The following OXCT1 variants were observed in gnomAD, a reference collection of about 807,000 sequenced individuals.
OXCT1 encodes 3-oxoacid CoA-transferase 1, also known as succinyl-CoA:3-ketoacid coenzyme A transferase 1, mitochondrial.
OXCT1 carries 27 observed loss-of-function variants against 69.6 expected under a neutral mutation model. The ratio of observed to expected loss-of-function variants is 0.39; its 90% confidence interval spans 0.29 to 0.54. The LOEUF (loss-of-function observed/expected upper bound fraction) is 0.54. OXCT1 is among the 20% of genes least tolerant of loss of function. OXCT1 has a pLI of 0.72. For synonymous variants in OXCT1, 202 were observed against 217.8 expected, an observed-to-expected ratio of 0.93 and a Z score of 0.64; for missense variants, 437 against 650.2, an observed-to-expected ratio of 0.67 and a Z score of 3.57.
chr5:41,777,469 C>T (rs1032986174), intron 13 of OXCT1, among the ~76,000 whole-genome samples: 2 of 152,066 alleles, frequency 1.3e-5, no homozygotes, highest in East Asian at 1.9e-4. Flanking sequence ...AGTCACAGAA[C>T]AAGTCAGAAA....
chr5:41,773,356 C>A (rs1354361441), intron 13 of OXCT1, among the ~76,000 whole-genome samples: 2 of 150,292 alleles, frequency 1.3e-5, no homozygotes, highest in Non-Finnish European at 2.9e-5. Context: ...AGGCAGATCA[C>A]TGAAGCCCAG....
intron 16 of OXCT1, among the ~76,000 whole-genome samples, chr5:41,733,964 T>C (rs908746737): frequency 1.3e-5 from 2 of 152,236 alleles, no homozygotes; most frequent in African/African-American, 2.4e-5. Flanking sequence ...AAAAGTATAT[T>C]GCTTGACTCT....
At chr5:41,856,883 C>G (rs1271781346) in intron 3 of OXCT1, among the ~76,000 whole-genome samples, 1 of 152,126 alleles carries the variant, frequency 6.6e-6, no homozygotes, top group Non-Finnish European at 1.5e-5. Context: ...GGCTGTCTTC[C>G]CATTACTCTC....
In OXCT1 at chr5:41,831,182, G is replaced by A. The variant is rs532923587; in HGVS notation, c.732+9269C>T. 2.2e-4 allele frequency among the ~76,000 whole-genome samples: 33 copies of A among 152,196 alleles called. No individual in the cohort carries two copies. In the South Asian group the frequency reaches 5.0e-3, roughly 23 times the overall value. ...ATTATTCTCAAGAAAGTTAATTCTC[G>A]TAAGACTCCACACCCTATGACCATG... On this transcript the variant is annotated intron_variant, in intron 7 of 16. Coordinates refer to ENST00000196371, the MANE Select transcript of OXCT1 (RefSeq NM_000436.4).
chr5:41,848,865 T>C (rs563586786), intron 5 of OXCT1, among the ~76,000 whole-genome samples: 7 of 152,150 alleles, frequency 4.6e-5, no homozygotes, highest in African/African-American at 1.2e-4. Context: ...ATTCAGGACA[T>C]AGGCATGGGC....
chr5:41,747,638 T>C (rs1743563111), intron 15 of OXCT1, among the ~76,000 whole-genome samples: 1 of 152,042 alleles, frequency 6.6e-6, no homozygotes, highest in Non-Finnish European at 1.5e-5. Context: ...GGGAAGAATG[T>C]TCCAGACAGA....
chr5:41,734,806 A>C (rs533266527), intron 16 of OXCT1, among the ~76,000 whole-genome samples: 1 of 152,318 alleles, frequency 6.6e-6, no homozygotes, highest in African/African-American at 2.4e-5. Flanking sequence ...ATGGAAAAGA[A>C]CATTCAAAAA....
At chr5:41,815,656 G>A (rs1445151028) in intron 7 of OXCT1, among the ~76,000 whole-genome samples, 1 of 151,982 alleles carries the variant, frequency 6.6e-6, no homozygotes, top group Admixed American at 6.6e-5. Context: ...CTACCCAAAG[G>A]AATTAAAATA....
chr5:41,867,116 CAAGTAGTATTTGGTTACATGAGT>C (rs1750024302), intron 1 of OXCT1, among the ~76,000 whole-genome samples: 2 of 152,034 alleles, frequency 1.3e-5, no homozygotes, highest in East Asian at 3.9e-4. Flanking sequence ...TTTTGGGGAA[CAAGTAGTATTTGGTTACATGAGT>C]AAGTTCTTTA....
chr5:41,769,560 CAAAAAAA>C (rs1011999912), intron 13 of OXCT1, among the ~76,000 whole-genome samples: 3 of 92,426 alleles, frequency 3.2e-5, no homozygotes, highest in Non-Finnish European at 6.9e-5. Context: ...CTATCTCTAC[CAAAAAAA>C]AAAAAAAAAA....
intron 5 of OXCT1, among the ~76,000 whole-genome samples, chr5:41,845,604 C>A (rs1275544798): frequency 6.6e-6 from 1 of 151,980 alleles, no homozygotes; most frequent in African/African-American, 2.4e-5. Flanking sequence ...AATAAATTAT[C>A]TGTCATATTC....
intron 13 of OXCT1, among the ~76,000 whole-genome samples, chr5:41,787,040 A>G (rs1053441594): frequency 6.6e-6 from 1 of 152,198 alleles, no homozygotes; most frequent in Non-Finnish European, 1.5e-5. Context: ...AATGCCAAAT[A>G]ACGCAAGAAA....
At chr5:41,764,754 A>C (rs1314417446) in intron 13 of OXCT1, among the ~76,000 whole-genome samples, 1 of 152,198 alleles carries the variant, frequency 6.6e-6, no homozygotes. Context: ...CAACAAAGGT[A>C]TAACACTGAG....
At chr5:41,769,899 C>A (rs1351669947) in intron 13 of OXCT1, among the ~76,000 whole-genome samples, 1 of 152,162 alleles carries the variant, frequency 6.6e-6, no homozygotes, top group African/African-American at 2.4e-5. Context: ...GCTGGGGTTA[C>A]AGGCACGCGC....
intron 5 of OXCT1, among the ~76,000 whole-genome samples, chr5:41,847,906 C>A (rs1749000076): frequency 6.7e-6 from 1 of 150,266 alleles, no homozygotes; most frequent in South Asian, 2.1e-4. Context: ...TCCTATTCAA[C>A]ATAGTGTTGG....
chr5:41,766,823 T>C (rs1385633090), intron 13 of OXCT1, among the ~76,000 whole-genome samples: 3 of 152,142 alleles, frequency 2.0e-5, no homozygotes, highest in Non-Finnish European at 4.4e-5. Context: ...CAATTTATAA[T>C]ATATAGAAAC....
chr5:41,798,677 A>C (rs1746289573), intron 11 of OXCT1, among the ~76,000 whole-genome samples: 1 of 152,232 alleles, frequency 6.6e-6, no homozygotes, highest in African/African-American at 2.4e-5. Flanking sequence ...TATTAAAATA[A>C]GAAAACATTA....
intron 7 of OXCT1, among the ~76,000 whole-genome samples, chr5:41,817,565 A>T (rs1373257794): frequency 1.3e-5 from 2 of 152,222 alleles, no homozygotes; most frequent in East Asian, 1.9e-4. Context: ...AATGCAAAAC[A>T]TGATTTTAGT....
chr5:41,833,386 C>T (rs1218236290), intron 7 of OXCT1, among the ~76,000 whole-genome samples: 1 of 151,806 alleles, frequency 6.6e-6, no homozygotes, highest in Non-Finnish European at 1.5e-5. Flanking sequence ...GAAACTTTTG[C>T]CCTAGAATAG....
Sources: allele counts gnomAD v4.1 joint callset (sites outside exome capture counted in the v4.1 genomes callset), GRCh38; gene constraint gnomAD v4.1.1; transcripts MANE v1.5; gene names NCBI Gene and HGNC (gene_info 2026-07-23, HGNC 2026-07-21).